SVEP1: variants seen among roughly 807,000 people sequenced by gnomAD.
SVEP1 encodes sushi, von Willebrand factor type A, EGF and pentraxin domain-containing protein 1.
A neutral mutation model predicts 367.3 loss-of-function variants in SVEP1; 164 were observed. The observed-to-expected ratio is 0.45, with a 90% confidence interval of 0.39 to 0.51. The LOEUF (loss-of-function observed/expected upper bound fraction) is 0.51. Among genes scored for constraint, SVEP1 ranks in the 20% least tolerant of loss-of-function variants. The probability of loss-of-function intolerance (pLI) is 0.00; values close to 1 mark genes in which losing one functional copy is unlikely to be tolerated. For synonymous variants in SVEP1, 1,666 were observed against 1,611.6 expected, an observed-to-expected ratio of 1.03 and a Z score of -0.81; for missense variants, 4,117 against 4,425.3, an observed-to-expected ratio of 0.93 and a Z score of 1.98.
Position 110,369,792 on chromosome 9 carries a change from A to G in SVEP1, c.10694+131T>C. ...AATTCAAATTTAGAGAGCCTGTCTCAAAATGGATGTTTTCACATACAAAAT... is the reference window on the plus strand; with the variant it reads ...AATTCAAATTTAGAGAGCCTGTCTCGAAATGGATGTTTTCACATACAAAAT... On this transcript the variant is annotated intron_variant, in intron 47 of 47. Coordinates refer to ENST00000374469, the MANE Select transcript of SVEP1 (RefSeq NM_153366.4). 2 of 704,454 alleles carry G rather than the reference A, an allele frequency of 2.8e-6. 1 individual carries two copies. The highest frequency in any genetic ancestry group is 4.5e-5 in the South Asian group (2 of 44,786). 43.6% of individuals were successfully genotyped at this position (704,454 alleles called of 1,614,324 possible). A position where few individuals can be genotyped will look rare whatever the true frequency, so the allele number is the denominator to read the frequency against.
At chr9:110,376,030 C>G (rs748033386) in intron 45 of SVEP1, among the ~76,000 whole-genome samples, 1 of 152,172 alleles carries the variant, frequency 6.6e-6, no homozygotes, top group Non-Finnish European at 1.5e-5. Flanking sequence ...ATCATTCCTC[C>G]TCCTAGAAAT....
At chr9:110,448,169 G>A (rs75618747) in intron 24 of SVEP1, among the ~76,000 whole-genome samples, 31 of 55,048 alleles carry the variant, frequency 5.6e-4, no homozygotes, top group Middle Eastern at 7.2e-3. Flanking sequence ...GTGTGCGCGC[G>A]CTCGCGCGTG....
chr9:110,408,334 G>A lies in SVEP1; in HGVS notation c.7266C>T (p.Cys2422=), dbSNP rs1299104793. The A allele has an allele frequency of 6.2e-7, 1 of 1,613,898 alleles. No homozygotes were observed. Among genetic ancestry groups the A allele is most frequent in the Non-Finnish European group, 8.5e-7 (1 of 1,179,844 alleles). The change falls in exon 38 of 48, where the codon TGC becomes TGT. Residue 2422 remains cysteine, a synonymous_variant. Transcript: ENST00000374469. Reference sequence around the variant, plus strand: ...GAGAGCTCCAGGTGCCATCAGGTTGGCAGAGGGTGGTAGAATTTCCTCTTA... The same window carrying A: ...GAGAGCTCCAGGTGCCATCAGGTTGACAGAGGGTGGTAGAATTTCCTCTTA... ...FFLRGNSTTL[C]QPDGTWSSPL... is the part of the protein sequence containing the mutation.
chr9:110,419,347 C>CA (rs1828157227), intron 36 of SVEP1, among the ~76,000 whole-genome samples: 1 of 7,574 alleles, frequency 1.3e-4, no homozygotes, highest in East Asian at 1.1e-3. Context: ...TTTAAACCAA[C>CA]AAAGATCAAA....
At chr9:110,496,724 C>G in intron 8 of SVEP1, 91 bp downstream of exon 8, 1 of 875,618 alleles carries the variant, frequency 1.1e-6, no homozygotes, top group South Asian at 1.7e-5. Flanking sequence ...ACAAGTATTA[C>G]CATGAGCATA....
rs906822220 is a variant in SVEP1 at position 110,434,399 on chromosome 9, C to T, written c.4996G>A (p.Gly1666Arg). 8.1e-6 allele frequency: 13 copies of T among 1,613,108 alleles called. No homozygotes were observed. The highest frequency in any genetic ancestry group is 2.2e-5 in the East Asian group (1 of 44,846). Residue 1666 changes from glycine to arginine, a missense_variant, in exon 30 of 48, where the codon GGG becomes AGG. Transcript: ENST00000374469. ...LFCDPGFQLV[G>R]NPVQYCLNQG... ...TTCAGACAGTACTGCACAGGGTTCC[C>T]GACCAGCTGGAAGCCTGGATCACAG... is the stretch of plus-strand genomic sequence containing the variant.
rs556331500 is a variant in SVEP1 at position 110,554,785 on chromosome 9, A to C, written c.532-4681T>G. 5.9e-5 allele frequency among the ~76,000 whole-genome samples: 9 copies of C among 151,856 alleles called. No homozygotes were observed. The South Asian group carries it at 1.9e-3, about 32-fold the overall frequency. On this transcript the variant is annotated intron_variant, in intron 1 of 47. Transcript: ENST00000374469. ...GTATTTACATTTTCAGTTAGTACAC[A>C]TTCCAGGGGAAAAGTGTTATTGACA...
intron 7 of SVEP1, among the ~76,000 whole-genome samples, chr9:110,497,611 C>G (rs10759434): frequency 0.62 from 94,419 of 152,096 alleles, 29,995 homozygotes; most frequent in African/African-American, 0.77. Context: ...AGGCTGTCAA[C>G]TAGAATTAAC....
chr9:110,479,194 A>C (rs1437836901), intron 13 of SVEP1, among the ~76,000 whole-genome samples: 1 of 152,136 alleles, frequency 6.6e-6, no homozygotes, highest in Admixed American at 6.5e-5. Context: ...CTGGGATTAC[A>C]GGCGTGAGCC....
At chr9:110,525,089 C>A (rs572929124) in intron 3 of SVEP1, among the ~76,000 whole-genome samples, 1 of 152,196 alleles carries the variant, frequency 6.6e-6, no homozygotes, top group South Asian at 2.1e-4. Flanking sequence ...AGTAGTGGAA[C>A]TTCTAACCAG....
intron 9 of SVEP1, 114 bp downstream of exon 9, chr9:110,489,535 CA>C: frequency 1.0e-6 from 1 of 994,900 alleles, no homozygotes; most frequent in Non-Finnish European, 1.5e-6. Context: ...GGGAAAGACC[CA>C]CCTCTATGAT....
chr9:110,513,089 G>T lies in SVEP1; in HGVS notation c.1140C>A (p.Ala380=), dbSNP rs755914445. ...GQTCELVHCP[A]LKPPENGYFI... is the part of the protein sequence containing the mutation. ...AGTAACCATTTTCGGGAGGCTTCAG[G>T]GCAGGGCAGTGGACAACTAACATTT... Residue 380 remains alanine (A), a synonymous_variant, in exon 5 of 48, where the codon GCC becomes GCA. Coordinates refer to ENST00000374469, the MANE Select transcript of SVEP1 (RefSeq NM_153366.4). The T allele has an allele frequency of 3.2e-5, 51 of 1,613,150 alleles. No homozygotes were observed. The highest frequency in any genetic ancestry group is 4.2e-5 in the Non-Finnish European group (50 of 1,179,318).
At chr9:110,392,133 T>TTATATATA (rs35109985) in intron 40 of SVEP1, among the ~76,000 whole-genome samples, 3,405 of 99,382 alleles carry the variant, frequency 0.034, 106 homozygotes, top group South Asian at 0.041. Context: ...CAATTCCTCA[T>TTATATATA]TATATATATA....
Position 110,406,911 on chromosome 9 carries a change from G to C in SVEP1, c.8689C>G (p.Leu2897Val). Reference sequence around the variant, plus strand: ...AGGCCTTCCGTCACCCCATTGGCCAGTTGTGGCGGGGTGGCACATCTGACA... The same window carrying C: ...AGGCCTTCCGTCACCCCATTGGCCACTTGTGGCGGGGTGGCACATCTGACA... The part of the protein sequence containing the change: ...VPVRCATPPQ[L>V]ANGVTEGLDY... Residue 2897 changes from leucine to valine, a missense_variant, in exon 38 of 48, where the codon CTG (leucine) becomes GTG (valine). Leu to Val is a conservative substitution (Grantham distance 32). Around this residue, in one of 4 missense-constraint regions of SVEP1, gnomAD observed 1,765 missense variants for 1,781.1 expected, o/e 0.99. Transcript: ENST00000374469. 1 of 1,613,972 alleles carries C rather than the reference G, an allele frequency of 6.2e-7. No homozygotes were observed. The highest frequency in any genetic ancestry group is 8.5e-7 in the Non-Finnish European group (1 of 1,179,880).
chr9:110,535,884 T>C (rs930813583), intron 3 of SVEP1, among the ~76,000 whole-genome samples: 3 of 152,156 alleles, frequency 2.0e-5, no homozygotes, highest in Non-Finnish European at 4.4e-5. Flanking sequence ...TAGGGTTTTC[T>C]AGATATGGAA....
intron 12 of SVEP1, among the ~76,000 whole-genome samples, chr9:110,480,407 G>A (rs1829166467): frequency 6.6e-6 from 1 of 151,808 alleles, no homozygotes; most frequent in African/African-American, 2.4e-5. Context: ...CCAAGACACT[G>A]GTATTTAAAT....
At chr9:110,574,887 A>G (rs1015104105) in intron 1 of SVEP1, among the ~76,000 whole-genome samples, 1 of 151,422 alleles carries the variant, frequency 6.6e-6, no homozygotes, top group African/African-American at 2.4e-5. Flanking sequence ...CTGGGACTAC[A>G]GGCACCCACC....
intron 26 of SVEP1, among the ~76,000 whole-genome samples, chr9:110,444,147 T>A (rs1193736064): frequency 6.6e-6 from 1 of 152,228 alleles, no homozygotes; most frequent in Non-Finnish European, 1.5e-5. Context: ...CATAGATACT[T>A]CATCAAACAA....
intron 40 of SVEP1, among the ~76,000 whole-genome samples, chr9:110,397,296 C>T (rs1827778065): frequency 6.6e-6 from 1 of 152,360 alleles, no homozygotes; most frequent in Admixed American, 6.5e-5. Flanking sequence ...TTCAACAACA[C>T]TTCATGCTAA....
Sources: gnomAD v4.1 joint callset for allele counts (sites outside exome capture counted in the v4.1 genomes callset) on GRCh38, gnomAD v4.1.1 for gene constraint, gnomAD v4.1.1 regional missense constraint, MANE v1.5 for transcripts, NCBI Gene and HGNC (gene_info 2026-07-23, HGNC 2026-07-21) for gene names.